The following MYO18B variants were observed in gnomAD, a reference collection of about 807,000 sequenced individuals.
MYO18B encodes the protein unconventional myosin-XVIIIb.
MYO18B carries 204 observed loss-of-function variants against 273.0 expected under a neutral mutation model. The ratio of observed to expected loss-of-function variants is 0.75; its 90% CI spans 0.67 to 0.84. MYO18B has a LOEUF of 0.84. Ranked by LOEUF, MYO18B falls within the 40% of genes least tolerant of loss-of-function variation. The pLI is 0.00. For missense variants in MYO18B, 3,212 were observed against 3,287.6 expected (o/e 0.98, Z 0.56); for synonymous variants, 1,330 against 1,305.7 (o/e 1.02, Z -0.40).
intron 27 of MYO18B, among the ~76,000 whole-genome samples, chr22:25,893,766 T>TCCATCCACCCATCCAC (rs552222193): frequency 1.3e-5 from 2 of 151,396 alleles, no homozygotes; most frequent in African/African-American, 2.4e-5. Flanking sequence ...CATCTATCCA[T>TCCATCCACCCATCCAC]CCATCCACCC....
chr22:26,062,048 C>T, the MYO18B span, among the ~76,000 whole-genome samples: 3 of 152,200 alleles, frequency 2.0e-5, no homozygotes, highest in African/African-American at 7.2e-5. Context: ...CTTTTCTTCT[C>T]TGTGTGGGGA....
intron 34 of MYO18B, among the ~76,000 whole-genome samples, chr22:25,929,160 CAAAA>C (rs4049336): frequency 1.6e-5 from 2 of 122,232 alleles, no homozygotes; most frequent in African/African-American, 3.3e-5. Context: ...GAAACTGTCT[CAAAA>C]AAAAAAAAAA....
intron 42 of MYO18B, among the ~76,000 whole-genome samples, chr22:26,024,190 G>T (rs1208895352): frequency 1.3e-5 from 2 of 152,152 alleles, no homozygotes; most frequent in South Asian, 2.1e-4. Flanking sequence ...AATATTGATT[G>T]CCTTTAATTA....
At chr22:25,942,997 G>A (rs2092662563) in intron 34 of MYO18B, among the ~76,000 whole-genome samples, 1 of 152,102 alleles carries the variant, frequency 6.6e-6, no homozygotes, top group South Asian at 2.1e-4. Context: ...CCTTTCTCCA[G>A]GGGCTCCGAG....
intron 32 of MYO18B, 77 bp downstream of exon 32, chr22:25,908,509 GAGT>G: frequency 8.1e-7 from 1 of 1,227,452 alleles, no homozygotes; most frequent in South Asian, 1.3e-5. Context: ...TTAGAGCGAG[GAGT>G]AGGACAGGGT....
At chr22:26,004,175 T>G (rs1298997565) in intron 41 of MYO18B, among the ~76,000 whole-genome samples, 1 of 152,068 alleles carries the variant, frequency 6.6e-6, no homozygotes, top group Non-Finnish European at 1.5e-5. Context: ...TAATGTTGAA[T>G]GAGTATATCA....
At position 25,768,662 on chromosome 22, in the gene MYO18B, AG is replaced by A; in HGVS notation, c.747del (p.Thr250ProfsTer4). On this transcript the variant is annotated frameshift_variant, in exon 4 of 44. Coordinates refer to ENST00000335473, the MANE Select transcript of MYO18B (RefSeq NM_032608.7). LOFTEE classifies it high-confidence loss of function. ...GTGGGGAAGGGGCTTGGGACCCCCAAGACCACAGAGCTGAAAGAGGCTGAGC... is the reference window on the plus strand; with the variant it reads ...GTGGGGAAGGGGCTTGGGACCCCCAAACCACAGAGCTGAAAGAGGCTGAGC... ...SIVGKGLGTPKTTELKEAEPQ... is the reference protein window; with the variant it reads ...SIVGKGLGTPXTTELKEAEPQ... 6.5e-7 allele frequency: 1 copy of A among 1,537,980 alleles called. No homozygotes were observed. The highest frequency in any genetic ancestry group is 1.8e-4 in the Middle Eastern group (1 of 5,670).
chr22:26,015,360 T>TCAC (rs1002854087), intron 42 of MYO18B, among the ~76,000 whole-genome samples: 1 of 152,152 alleles, frequency 6.6e-6, no homozygotes, highest in African/African-American at 2.4e-5. Flanking sequence ...ATATGGTTCA[T>TCAC]CACAACACCA....
chr22:25,769,435 G>C lies in MYO18B; in HGVS notation c.1512+7G>C. On this transcript the variant is annotated splice_region_variant and intron_variant, in intron 4 of 43. Coordinates refer to ENST00000335473, the MANE Select transcript of MYO18B (RefSeq NM_032608.7). ...GAGCAGAGACTCAGACCAGGTGAGG[G>C]GGCTGCGGCCCTGGGAGCGGGAAGC... 6.6e-7 allele frequency: 1 copy of C among 1,514,528 alleles called. No individual in the cohort carries two copies. The highest frequency in any genetic ancestry group is 8.8e-7 in the Non-Finnish European group (1 of 1,131,518). 93.8% of individuals were successfully genotyped at this position (1,514,528 alleles called of 1,614,324 possible).
At chr22:25,955,864 A>C (rs2092845599) in intron 39 of MYO18B, among the ~76,000 whole-genome samples, 1 of 152,198 alleles carries the variant, frequency 6.6e-6, no homozygotes, top group Non-Finnish European at 1.5e-5. Flanking sequence ...CATCTAGTAA[A>C]CATAGAGCTA....
At chr22:25,874,611 G>A (rs2091141273) in intron 23 of MYO18B, among the ~76,000 whole-genome samples, 197 bp downstream of exon 23, 2 of 152,200 alleles carry the variant, frequency 1.3e-5, no homozygotes, top group Non-Finnish European at 2.9e-5. Flanking sequence ...GGTCGGCCTT[G>A]CGCTAGGTAG....
chr22:26,023,476 CCCTCCT>C (rs138330824), intron 42 of MYO18B, among the ~76,000 whole-genome samples: 8 of 148,970 alleles, frequency 5.4e-5, no homozygotes, highest in Admixed American at 3.3e-4. Context: ...TCTTCCTCCT[CCCTCCT>C]CCTCCTCCTC....
rs200030443 is a variant in MYO18B at position 25,797,949 on chromosome 22, G to T, written c.2377-4G>T. The T allele has an allele frequency of 1.9e-6, 3 of 1,613,932 alleles. No homozygotes were observed. The highest frequency in any genetic ancestry group is 2.5e-6 in the Non-Finnish European group (3 of 1,179,892). On this transcript the variant is annotated splice_region_variant and splice_polypyrimidine_tract_variant and intron_variant, in intron 11 of 43. Coordinates refer to ENST00000335473, the MANE Select transcript of MYO18B (RefSeq NM_032608.7). ...GTTTTCTTCCTCTCTCCCTTTGCCCGCAGCCTGAAGATAAACAGAAGGCGG... is the reference window on the plus strand; with the variant it reads ...GTTTTCTTCCTCTCTCCCTTTGCCCTCAGCCTGAAGATAAACAGAAGGCGG...
chr22:25,979,624 C>T (rs1387332095), intron 39 of MYO18B, among the ~76,000 whole-genome samples: 10 of 152,062 alleles, frequency 6.6e-5, no homozygotes, highest in Non-Finnish European at 1.3e-4. Context: ...GATGCTGCAT[C>T]GGAAGTCATA....
At chr22:25,994,150 T>C (rs1474212582) in intron 40 of MYO18B, among the ~76,000 whole-genome samples, 2 of 152,182 alleles carry the variant, frequency 1.3e-5, no homozygotes, top group Non-Finnish European at 2.9e-5. Flanking sequence ...AGGAGCAAGA[T>C]GGAGAGCCAC....
At chr22:25,756,709 A>G (rs772406082) in intron 1 of MYO18B, 1 of 152,242 alleles carries the variant, frequency 6.6e-6, no homozygotes, top group African/African-American at 2.4e-5. Flanking sequence ...TCATCTTTTC[A>G]TCTCAAAAAT....
At chr22:25,889,668 TA>T (rs1393920589) in intron 25 of MYO18B, among the ~76,000 whole-genome samples, 4 of 151,944 alleles carry the variant, frequency 2.6e-5, no homozygotes, top group Non-Finnish European at 5.9e-5. Context: ...AACACTCCAC[TA>T]ATATATTTCT....
chr22:25,992,127 G>A (rs542014497), intron 39 of MYO18B, among the ~76,000 whole-genome samples: 9 of 152,352 alleles, frequency 5.9e-5, no homozygotes, highest in Admixed American at 5.9e-4. Context: ...GCACAGGTGA[G>A]CAAGCTCTGT....
intron 43 of MYO18B, among the ~76,000 whole-genome samples, chr22:26,028,099 G>A (rs28691711): frequency 2.0e-5 from 3 of 152,004 alleles, no homozygotes; most frequent in African/African-American, 7.3e-5. Context: ...CAAAAAATTA[G>A]CCAGGTGTCT....
Sources: allele counts gnomAD v4.1 joint callset (sites outside exome capture counted in the v4.1 genomes callset), GRCh38; gene constraint gnomAD v4.1.1; transcripts MANE v1.5; gene names NCBI Gene and HGNC (gene_info 2026-07-23, HGNC 2026-07-21).